Variants in VPS8 observed in about 807,000 individuals in gnomAD.
VPS8 encodes the protein VPS8 subunit of CORVET complex, also known as vacuolar protein sorting-associated protein 8 homolog.
VPS8 carries 129 observed loss-of-function variants against 216.4 expected under a neutral mutation model. That is an observed-to-expected ratio of 0.60 (90% CI 0.52 to 0.69). The LOEUF is 0.69. VPS8 is among the 30% of genes least tolerant of loss of function. VPS8 has a pLI of 0.00. For missense variants in VPS8, 1,531 were observed against 1,683.5 expected, an observed-to-expected ratio of 0.91 and a Z score of 1.59; for synonymous variants, 571 against 565.4, an observed-to-expected ratio of 1.01 and a Z score of -0.14.
At chr3:185,017,179 A>C (rs546826493) in intron 45 of VPS8, among the ~76,000 whole-genome samples, 2 of 152,240 alleles carry the variant, frequency 1.3e-5, no homozygotes, top group East Asian at 3.9e-4. Flanking sequence ...CAGGTTGTCC[A>C]TCGGGCCCTT....
At chr3:184,822,439 C>G (rs562308935) in intron 1 of VPS8, among the ~76,000 whole-genome samples, 1 of 152,142 alleles carries the variant, frequency 6.6e-6, no homozygotes, top group Admixed American at 6.5e-5. Context: ...CTCTTAATAA[C>G]TCCAGATATG....
chr3:184,913,606 A>ATG, intron 26 of VPS8, 45 bp downstream of exon 26: 2 of 1,463,680 alleles, frequency 1.4e-6, no homozygotes, highest in Non-Finnish European at 1.9e-6. Flanking sequence ...TTCTTTCTAT[A>ATG]TTTTTCCTAT....
In VPS8 at chr3:184,866,956, C is replaced by T. The variant is rs1727467985; in HGVS notation, c.1470+6C>T. ...TCTTTTATTTGGGGACAAAAGTAAG[C>T]TCTTTTACTCTGTGAGTTGGTATTT... On this transcript the variant is annotated splice_donor_region_variant and intron_variant, in intron 17 of 47. Transcript: ENST00000625842. 1 of 1,611,652 alleles carries T rather than the reference C, an allele frequency of 6.2e-7. No individual in the cohort carries two copies. Among genetic ancestry groups the T allele is most frequent in the Non-Finnish European group, 8.5e-7 (1 of 1,179,100 alleles).
intron 46 of VPS8, among the ~76,000 whole-genome samples, chr3:185,047,884 G>A (rs757648496): frequency 7.2e-5 from 11 of 152,126 alleles, no homozygotes; most frequent in Non-Finnish European, 1.3e-4. Context: ...CTCTGCATAT[G>A]AGCTGGATCA....
Position 184,936,304 on chromosome 3 carries a change from G to A in VPS8, c.2957G>A (p.Gly986Glu), listed in dbSNP as rs1402025116. ...GAGCTGGTTGCCACCCACTTTTCTG[G>A]ACATATTGAAACGGTCATTAAAAAA... is the stretch of plus-strand genomic sequence containing the variant. The part of the protein sequence containing the change: ...AAELVATHFS[G>E]HIETVIKKLQ... The change falls in exon 35 of 48, where the codon GGA (glycine) becomes GAA (glutamate). Residue 986 changes from glycine (G) to glutamate (E), a missense_variant. Gly to Glu is a moderately conservative substitution (Grantham distance 98, BLOSUM62 -2). This residue lies in a region of VPS8 where 1,318 missense variants were observed against 1,468.4 expected (regional missense o/e 0.90). Transcript: ENST00000625842. The A allele has an allele frequency of 1.2e-6, 2 of 1,611,702 alleles. No homozygotes were observed. The highest frequency in any genetic ancestry group is 1.7e-6 in the Non-Finnish European group (2 of 1,179,020).
Position 184,996,519 on chromosome 3 carries a change from A to C in VPS8, c.3836+18A>C, listed in dbSNP as rs1752633461. The stretch of plus-strand genomic sequence containing the variant: ...GTCTTTAGGTAAGAAAGGGAAGGAA[A>C]TGTTACATGTATGGTACATGTACAT... On this transcript the variant is annotated intron_variant, in intron 44 of 47. Transcript: ENST00000625842. 2 of 1,593,362 alleles carry C rather than the reference A, an allele frequency of 1.3e-6. No homozygotes were observed. The highest frequency in any genetic ancestry group is 1.7e-6 in the Non-Finnish European group (2 of 1,169,284).
At position 184,836,243 on chromosome 3, in the gene VPS8, T is replaced by G. The variant is rs906305020; in HGVS notation, c.447+1501T>G. The G allele has an allele frequency of 3.7e-5, 17 of 456,380 alleles. No individual in the cohort carries two copies. In the East Asian group the frequency reaches 8.3e-4, roughly 22 times the overall value. 28.3% of individuals were successfully genotyped at this position (456,380 alleles called of 1,614,324 possible). ...AACCTGGGCAATTGTTCTTCCTCTT[T>G]TAGGTGGAGAGTAACTCATATTTGC... On this transcript the variant is annotated intron_variant, in intron 5 of 47. Transcript: ENST00000625842.
At chr3:185,025,197 C>A (rs1577202869) in intron 46 of VPS8, among the ~76,000 whole-genome samples, 1 of 152,120 alleles carries the variant, frequency 6.6e-6, no homozygotes, top group African/African-American at 2.4e-5. Context: ...CGGTTTTACA[C>A]CTTATCTGAG....
At position 184,829,332 on chromosome 3, in the gene VPS8, G is replaced by A. The variant is rs539193774; in HGVS notation, c.222+3101G>A. ...GGGTTCAAGTGATTCTCGTGCCTCAGCCTCCCGAGTAGGTGGGATTACCGG... is the reference window on the plus strand; with the variant it reads ...GGGTTCAAGTGATTCTCGTGCCTCAACCTCCCGAGTAGGTGGGATTACCGG... On this transcript the variant is annotated intron_variant, in intron 3 of 47. Coordinates refer to ENST00000625842, the MANE Select transcript of VPS8 (RefSeq NM_001009921.3). Among the ~76,000 whole-genome samples the A allele has an allele frequency of 3.9e-5, 6 of 152,276 alleles. No homozygotes were observed. In the South Asian group the frequency reaches 1.2e-3, roughly 32 times the overall value.
rs146572400 is a variant in VPS8 at position 185,038,590 on chromosome 3, T to C, written c.4057-9889T>C. 9.8e-5 allele frequency among the ~76,000 whole-genome samples: 15 copies of C among 152,326 alleles called. No homozygotes were observed. The East Asian group carries it at 2.5e-3, about 25-fold the overall frequency. ...AACTCCACTGTTCTTAAGAACACACTTAGGATTGAAATTCTCTATATTCAG... is the reference window on the plus strand; with the variant it reads ...AACTCCACTGTTCTTAAGAACACACCTAGGATTGAAATTCTCTATATTCAG... On this transcript the variant is annotated intron_variant, in intron 46 of 47. Transcript: ENST00000625842.
At position 184,897,583 on chromosome 3, in the gene VPS8, A is replaced by T. The variant is rs1159798854; in HGVS notation, c.2005-982A>T. On this transcript the variant is annotated intron_variant, in intron 23 of 47. Coordinates refer to ENST00000625842, the MANE Select transcript of VPS8 (RefSeq NM_001009921.3). The stretch of plus-strand genomic sequence containing the variant: ...TTAGGGCTGAAGCTGTAAATGTGTT[A>T]GTCATCAGTGAAGAGATGCATGATC... Among the ~76,000 whole-genome samples, 3 of 152,132 alleles carry T rather than the reference A, an allele frequency of 2.0e-5. No homozygotes were observed. The East Asian group carries it at 5.8e-4, about 29-fold the overall frequency.
At chr3:185,009,083 C>G (rs1257947983) in intron 45 of VPS8, among the ~76,000 whole-genome samples, 1 of 152,160 alleles carries the variant, frequency 6.6e-6, no homozygotes, top group African/African-American at 2.4e-5. Flanking sequence ...CACTTATTTT[C>G]CAGAGCTGTA....
At chr3:184,820,902 G>A (rs931452453) in intron 1 of VPS8, among the ~76,000 whole-genome samples, 2 of 152,156 alleles carry the variant, frequency 1.3e-5, no homozygotes, top group Non-Finnish European at 2.9e-5. Context: ...TGTTGCTTTG[G>A]TGGGGGCTGT....
intron 47 of VPS8, 96 bp downstream of exon 47, chr3:185,048,655 T>C: frequency 2.2e-6 from 3 of 1,366,162 alleles, no homozygotes; most frequent in Non-Finnish European, 3.1e-6. Context: ...AGCCTCCTTC[T>C]AGCCTGGAAG....
intron 46 of VPS8, among the ~76,000 whole-genome samples, chr3:185,030,573 A>C (rs1158959195): frequency 6.6e-6 from 1 of 152,230 alleles, no homozygotes; most frequent in Non-Finnish European, 1.5e-5. Context: ...GAGTCCATTC[A>C]GTAAATATTC....
At position 184,983,268 on chromosome 3, in the gene VPS8, C is replaced by T. The variant is rs142331867; in HGVS notation, c.3585+174C>T. Among the ~76,000 whole-genome samples the T allele has an allele frequency of 1.0e-3, 158 of 152,266 alleles. 1 individual carries two copies. In the Middle Eastern group the frequency reaches 0.014, roughly 13 times the overall value. On this transcript the variant is annotated intron_variant, in intron 42 of 47. Coordinates refer to ENST00000625842, the MANE Select transcript of VPS8 (RefSeq NM_001009921.3). The stretch of plus-strand genomic sequence containing the variant: ...TCCGACCCTCATTCTTGAATCTTTT[C>T]TGTCAGTTTTTTGGTGTGACTTTGC...
chr3:184,869,113 G>A, intron 19 of VPS8, 77 bp downstream of exon 19: 1 of 1,354,502 alleles, frequency 7.4e-7, no homozygotes. Flanking sequence ...ACCACTCATA[G>A]GACACTTTTA....
intron 21 of VPS8, among the ~76,000 whole-genome samples, chr3:184,881,965 G>T (rs1275782024): frequency 6.6e-6 from 1 of 151,470 alleles, no homozygotes; most frequent in East Asian, 1.9e-4. Flanking sequence ...ATTAATTCTA[G>T]AATGCTTTTT....
chr3:185,017,701 A>G lies in VPS8; in HGVS notation c.4003-6635A>G, dbSNP rs186404794. ...GTTGGGACCTTTTGCGGGGGTTCCCAGGCAGAAGGCTCACAGCTTTTGTGC... is the reference window on the plus strand; with the variant it reads ...GTTGGGACCTTTTGCGGGGGTTCCCGGGCAGAAGGCTCACAGCTTTTGTGC... On this transcript the variant is annotated intron_variant, in intron 45 of 47. Transcript: ENST00000625842. 9.8e-5 allele frequency among the ~76,000 whole-genome samples: 15 copies of G among 152,304 alleles called. No individual in the cohort carries two copies. In the East Asian group the frequency reaches 2.3e-3, roughly 24 times the overall value.
Sources: gnomAD v4.1 joint callset for allele counts (sites outside exome capture counted in the v4.1 genomes callset) on GRCh38, gnomAD v4.1.1 for gene constraint, gnomAD v4.1.1 regional missense constraint, MANE v1.5 for transcripts, NCBI Gene and HGNC (gene_info 2026-07-23, HGNC 2026-07-21) for gene names.